Variants in LRIF1 observed in about 807,000 individuals in gnomAD.
The protein encoded by LRIF1 is ligand dependent nuclear receptor interacting factor 1, also known as ligand-dependent nuclear receptor-interacting factor 1.
Under a neutral mutation model 52.7 loss-of-function variants are expected in LRIF1, and 32 were observed. That is an observed-to-expected ratio of 0.61 (90% confidence interval 0.46 to 0.82). The LOEUF (loss-of-function observed/expected upper bound fraction) is 0.82. LRIF1 is among the 40% of genes least tolerant of loss of function. The probability of loss-of-function intolerance (pLI) is 0.00; values close to 1 mark genes in which losing one functional copy is unlikely to be tolerated. For missense variants in LRIF1, 887 were observed against 892.0 expected, an observed-to-expected ratio of 0.99 and a Z score of 0.07; for synonymous variants, 323 against 317.4, an observed-to-expected ratio of 1.02 and a Z score of -0.19.
chr1:110,879,716 G>C, the LRIF1 span, among the ~76,000 whole-genome samples: 1 of 151,942 alleles, frequency 6.6e-6, no homozygotes, highest in East Asian at 1.9e-4. Context: ...ACTGATAGAG[G>C]TTCTTTTTTT....
At chr1:110,939,268 C>A in the LRIF1 span, 1 of 149,282 alleles carries the variant, frequency 6.7e-6, no homozygotes, top group Non-Finnish European at 1.5e-5. Flanking sequence ...GTCCCAGCTA[C>A]TTGGGAGGCT....
At chr1:110,949,716 G>T in intron 3 of LRIF1, 135 bp downstream of exon 3, 4 of 961,394 alleles carry the variant, frequency 4.2e-6, no homozygotes, top group Non-Finnish European at 4.6e-6. Context: ...ATATCATTTT[G>T]GTATTATGTA....
chr1:110,929,030 G>A, the LRIF1 span, among the ~76,000 whole-genome samples: 7 of 152,150 alleles, frequency 4.6e-5, no homozygotes, highest in South Asian at 2.1e-4. Context: ...AATTGCAAAC[G>A]TAATACAGAG....
the LRIF1 span, chr1:110,891,418 A>G: frequency 6.2e-7 from 1 of 1,613,532 alleles, no homozygotes; most frequent in South Asian, 1.1e-5. Flanking sequence ...CATGGGCATG[A>G]GTAGCTTGAA....
Position 110,948,068 on chromosome 1 carries a change from G to A in LRIF1, c.2201C>T (p.Pro734Leu), listed in dbSNP as rs143295716. The change falls in exon 4 of 4, where the codon CCG becomes CTG. Residue 734 changes from proline to leucine, a missense_variant. Physicochemically the swap from Pro to Leu is moderately conservative, Grantham distance 98. Coordinates refer to ENST00000369763, the MANE Select transcript of LRIF1 (RefSeq NM_018372.4). ...ATCTCGAATGGTTTCTTCTAACTCC[G>A]GTGGTGTCACTGGGAAAATATCTTC... Reference protein sequence around the residue: ...YTEDIFPVTPPELEETIRDEK... With the variant: ...YTEDIFPVTPLELEETIRDEK... 608 of 1,613,858 alleles carry A rather than the reference G, an allele frequency of 3.8e-4. No individual in the cohort carries two copies. The highest frequency in any genetic ancestry group is 4.9e-4 in the Non-Finnish European group (574 of 1,179,964).
At chr1:110,912,939 A>G in the LRIF1 span, among the ~76,000 whole-genome samples, 2 of 152,222 alleles carry the variant, frequency 1.3e-5, no homozygotes, top group Non-Finnish European at 2.9e-5. Context: ...ATACTGCAAC[A>G]CTATAGTAAT....
chr1:110,886,414 AT>A, the LRIF1 span, among the ~76,000 whole-genome samples: 1 of 152,044 alleles, frequency 6.6e-6, no homozygotes, highest in Admixed American at 6.6e-5. Context: ...TTTTCATCAA[AT>A]TTAGGATTTT....
chr1:110,930,307 T>C, the LRIF1 span, among the ~76,000 whole-genome samples: 2 of 152,208 alleles, frequency 1.3e-5, no homozygotes, highest in African/African-American at 2.4e-5. Context: ...GATTGGAAAT[T>C]GTAATAGTCT....
At chr1:110,912,188 T>G in the LRIF1 span, among the ~76,000 whole-genome samples, 3 of 152,090 alleles carry the variant, frequency 2.0e-5, no homozygotes, top group African/African-American at 7.2e-5. Context: ...ATCAGTAGCA[T>G]TTCTTTTTTT....
At chr1:110,878,187 CTTAG>C in the LRIF1 span, among the ~76,000 whole-genome samples, 1 of 152,186 alleles carries the variant, frequency 6.6e-6, no homozygotes, top group Non-Finnish European at 1.5e-5. Flanking sequence ...TTATGAGGAA[CTTAG>C]TTATTTTGTG....
At chr1:110,929,760 A>G in the LRIF1 span, among the ~76,000 whole-genome samples, 1 of 152,202 alleles carries the variant, frequency 6.6e-6, no homozygotes, top group South Asian at 2.1e-4. Flanking sequence ...TAACGCAGGA[A>G]CAGAAAACCA....
chr1:110,907,939 A>C, the LRIF1 span, among the ~76,000 whole-genome samples: 3 of 152,160 alleles, frequency 2.0e-5, no homozygotes, highest in Admixed American at 6.6e-5. Context: ...CCCCTATTGC[A>C]ATAGTTATTA....
chr1:110,903,831 C>T, the LRIF1 span, among the ~76,000 whole-genome samples: 1 of 152,012 alleles, frequency 6.6e-6, no homozygotes, highest in Non-Finnish European at 1.5e-5. Flanking sequence ...CTCCTGAGGT[C>T]CCTGATTCCA....
the LRIF1 span, chr1:110,892,224 A>G: frequency 6.3e-6 from 5 of 788,966 alleles, no homozygotes; most frequent in South Asian, 4.4e-5. Flanking sequence ...GAAATTGTTC[A>G]TGAGACTCTT....
At chr1:110,962,877 C>G (rs377016145) in intron 1 of LRIF1, among the ~76,000 whole-genome samples, 3 of 151,938 alleles carry the variant, frequency 2.0e-5, no homozygotes, top group African/African-American at 7.3e-5. Flanking sequence ...TCTGCTTTAG[C>G]TAACATTGTT....
rs1347032165 is a variant in LRIF1, at chr1:110,963,610, C to T, written c.68+11G>A. The stretch of plus-strand genomic sequence containing the variant: ...GGGCAGCCGTGGGGAGGATTCGAAA[C>T]CGGTACTTACCAACGCGAGGCGTTG... On this transcript the variant is annotated intron_variant, in intron 1 of 3. Transcript: ENST00000369763. 1 of 1,604,330 alleles carries T rather than the reference C, an allele frequency of 6.2e-7. No homozygotes were observed. Among genetic ancestry groups the T allele is most frequent in the Non-Finnish European group, 8.5e-7 (1 of 1,172,488 alleles).
chr1:110,959,140 G>A (rs116725823), intron 1 of LRIF1, among the ~76,000 whole-genome samples: 202 of 152,178 alleles, frequency 1.3e-3, no homozygotes, highest in African/African-American at 4.7e-3. Context: ...TTACTTTAAA[G>A]TAATTACTTT....
chr1:110,954,122 T>A (rs1462876566), intron 1 of LRIF1, among the ~76,000 whole-genome samples: 4 of 152,298 alleles, frequency 2.6e-5, no homozygotes, highest in African/African-American at 9.6e-5. Context: ...GGTATGTTTT[T>A]AAAACTCTCA....
the LRIF1 span, chr1:110,880,190 G>C: frequency 1.3e-5 from 2 of 152,144 alleles, no homozygotes; most frequent in East Asian, 3.9e-4. Flanking sequence ...TGTGGGAGGG[G>C]TGTCGGTTCC....
Sources: gnomAD v4.1 joint callset for allele counts (sites outside exome capture counted in the v4.1 genomes callset) on GRCh38, gnomAD v4.1.1 for gene constraint, MANE v1.5 for transcripts, NCBI Gene and HGNC (gene_info 2026-07-23, HGNC 2026-07-21) for gene names.